ASIC2: variants seen among roughly 807,000 people sequenced by gnomAD.
ASIC2 encodes the protein acid sensing ion channel subunit 2.
ASIC2 carries 25 observed loss-of-function variants against 57.3 expected under a neutral mutation model. The ratio of observed to expected loss-of-function variants is 0.44; its 90% CI spans 0.32 to 0.61. The LOEUF (loss-of-function observed/expected upper bound fraction) is 0.61. ASIC2 is among the 20% of genes least tolerant of loss of function. The pLI is 0.06. For synonymous variants in ASIC2, 319 were observed against 307.5 expected (o/e 1.04, Z -0.39); for missense variants, 641 against 738.1 (o/e 0.87, Z 1.52).
At chr17:33,136,096 T>A (rs187554786) in intron 1 of ASIC2, among the ~76,000 whole-genome samples, 1 of 152,346 alleles carries the variant, frequency 6.6e-6, no homozygotes, top group African/African-American at 2.4e-5. Context: ...GCATAGGGAA[T>A]CTGTGTGCTT....
intron 1 of ASIC2, among the ~76,000 whole-genome samples, chr17:33,854,847 G>A (rs1431152931): frequency 2.0e-5 from 3 of 152,104 alleles, no homozygotes; most frequent in Non-Finnish European, 4.4e-5. Flanking sequence ...TGTGGGTGGT[G>A]TGTGTTAGCT....
At chr17:33,521,139 G>C (rs1914727694) in intron 1 of ASIC2, among the ~76,000 whole-genome samples, 1 of 152,140 alleles carries the variant, frequency 6.6e-6, no homozygotes, top group Admixed American at 6.5e-5. Flanking sequence ...TAGGTCTCGG[G>C]ACTTGGGACT....
intron 3 of ASIC2, among the ~76,000 whole-genome samples, chr17:33,058,555 C>T (rs1319359687): frequency 1.3e-5 from 2 of 151,252 alleles, no homozygotes; most frequent in Admixed American, 6.6e-5. Context: ...TTCACTTTGA[C>T]GGAGCTCAGC....
At chr17:33,392,179 C>A (rs1017857007) in intron 1 of ASIC2, among the ~76,000 whole-genome samples, 2 of 18,064 alleles carry the variant, frequency 1.1e-4, no homozygotes, top group Non-Finnish European at 2.6e-4. Context: ...TTCTTCCTTC[C>A]TTCCTTCCTT....
At chr17:33,059,930 ATGTGTCTGTT>A (rs2141938018) in intron 3 of ASIC2, among the ~76,000 whole-genome samples, 1 of 152,108 alleles carries the variant, frequency 6.6e-6, no homozygotes, top group South Asian at 2.1e-4. Context: ...GCATTTTTTC[ATGTGTCTGTT>A]GGCAGCATCA....
At chr17:34,117,554 T>C (rs1911463905) in intron 1 of ASIC2, among the ~76,000 whole-genome samples, 1 of 152,118 alleles carries the variant, frequency 6.6e-6, no homozygotes, top group Non-Finnish European at 1.5e-5. Context: ...AGAGGTAACC[T>C]AGGGAACCTG....
chr17:33,502,164 G>C (rs1387060819), intron 1 of ASIC2, among the ~76,000 whole-genome samples: 1 of 152,158 alleles, frequency 6.6e-6, no homozygotes, highest in African/African-American at 2.4e-5. Context: ...ACTTCAAGGG[G>C]CAAGCAGTTG....
intron 1 of ASIC2, among the ~76,000 whole-genome samples, chr17:33,211,409 C>T (rs1018364758): frequency 2.2e-4 from 33 of 151,918 alleles, no homozygotes; most frequent in African/African-American, 6.1e-4. Flanking sequence ...GAAAGCTGGT[C>T]GTTAAACATT....
At chr17:33,690,941 G>A (rs1464204388) in intron 1 of ASIC2, among the ~76,000 whole-genome samples, 1 of 151,628 alleles carries the variant, frequency 6.6e-6, no homozygotes, top group East Asian at 1.9e-4. Flanking sequence ...AGTAGAGACG[G>A]GGTTTCACTG....
intron 1 of ASIC2, among the ~76,000 whole-genome samples, chr17:33,856,456 G>GTCT (rs200212307): frequency 2.6e-5 from 3 of 116,692 alleles, no homozygotes; most frequent in African/African-American, 9.8e-5. Context: ...AGTAGTAATA[G>GTCT]TCTTATCAGT....
intron 1 of ASIC2, among the ~76,000 whole-genome samples, chr17:33,673,623 T>C (rs1048505938): frequency 6.6e-6 from 1 of 152,152 alleles, no homozygotes; most frequent in African/African-American, 2.4e-5. Context: ...ACATGTCCTC[T>C]GTGTCCCTTT....
At chr17:33,923,666 G>C (rs1046584093) in intron 1 of ASIC2, among the ~76,000 whole-genome samples, 11 of 152,164 alleles carry the variant, frequency 7.2e-5, no homozygotes, top group African/African-American at 2.7e-4. Context: ...GGGGCTCAGG[G>C]TTCAGGGATC....
chr17:33,394,096 GCTAA>G (rs1370812297), intron 1 of ASIC2, among the ~76,000 whole-genome samples: 1 of 152,192 alleles, frequency 6.6e-6, no homozygotes, highest in Non-Finnish European at 1.5e-5. Flanking sequence ...TTTAATAAAT[GCTAA>G]CTATTATGTT....
At chr17:34,075,841 T>C (rs1249182281) in intron 1 of ASIC2, among the ~76,000 whole-genome samples, 2 of 140,718 alleles carry the variant, frequency 1.4e-5, no homozygotes, top group Admixed American at 1.4e-4. Flanking sequence ...TTTTTTTTTT[T>C]TTTTTTTGAG....
intron 1 of ASIC2, among the ~76,000 whole-genome samples, chr17:33,528,246 G>T (rs1276470008): frequency 6.7e-6 from 1 of 149,486 alleles, no homozygotes; most frequent in Non-Finnish European, 1.5e-5. Context: ...TTGCAGTACT[G>T]CTTCTGTTTT....
At chr17:33,076,393 G>A (rs999076464) in intron 3 of ASIC2, among the ~76,000 whole-genome samples, 49 of 152,152 alleles carry the variant, frequency 3.2e-4, no homozygotes, top group Admixed American at 2.6e-4. Context: ...ATTAGGAGTC[G>A]GGTCCAAACC....
chr17:33,753,029 C>T (rs1443343847), intron 1 of ASIC2, among the ~76,000 whole-genome samples: 1 of 152,090 alleles, frequency 6.6e-6, no homozygotes, highest in Non-Finnish European at 1.5e-5. Flanking sequence ...TTTATAATTG[C>T]CAAAGAACTG....
chr17:33,875,228 T>A (rs1914518714), intron 1 of ASIC2, among the ~76,000 whole-genome samples: 1 of 152,114 alleles, frequency 6.6e-6, no homozygotes, highest in Non-Finnish European at 1.5e-5. Flanking sequence ...GCTGAATAAA[T>A]GGAAATAGAA....
intron 1 of ASIC2, among the ~76,000 whole-genome samples, chr17:33,745,685 A>C (rs1190415728): frequency 1.3e-5 from 2 of 152,130 alleles, no homozygotes; most frequent in Non-Finnish European, 2.9e-5. Context: ...TTAACTGAGA[A>C]TCTAATGCCC....
Sources: gnomAD v4.1 joint callset for allele counts (sites outside exome capture counted in the v4.1 genomes callset) on GRCh38, gnomAD v4.1.1 for gene constraint, MANE v1.5 for transcripts, NCBI Gene and HGNC (gene_info 2026-07-23, HGNC 2026-07-21) for gene names.